Variants in MAK observed in about 807,000 individuals in gnomAD.
MAK encodes serine/threonine-protein kinase MAK.
MAK carries 65 observed loss-of-function variants against 82.6 expected under a neutral mutation model. The ratio of observed to expected loss-of-function variants is 0.79; its 90% confidence interval spans 0.64 to 0.97. The LOEUF (loss-of-function observed/expected upper bound fraction) is 0.97. Among genes scored for constraint, MAK ranks in the 50% least tolerant of loss-of-function variants. The probability of loss-of-function intolerance (pLI) is 0.00; values close to 1 mark genes in which losing one functional copy is unlikely to be tolerated. For synonymous variants in MAK, 250 were observed against 274.2 expected (o/e 0.91, Z 0.87); for missense variants, 703 against 780.2 (o/e 0.90, Z 1.18).
chr6:10,815,911 A>AGTGT lies in MAK; in HGVS notation c.278+1938_278+1939insACAC, dbSNP rs1233214233. 9.9e-3 allele frequency among the ~76,000 whole-genome samples: 767 copies of AGTGT among 77,644 alleles called. 7 individuals carry two copies. The highest frequency in any genetic ancestry group is 0.015 in the East Asian group (49 of 3,240). 50.9% of individuals were successfully genotyped at this position (77,644 alleles called of 152,430 possible). A position where few individuals can be genotyped will look rare whatever the true frequency, so the allele number is the denominator to read the frequency against. ...GTACTGTATTAGTGTAGCTTTATAC[A>AGTGT]GTATATATATATATATATATATATA... On this transcript the variant is annotated intron_variant, in intron 4 of 14. Coordinates refer to ENST00000354489, the MANE Select transcript of MAK (RefSeq NM_001242957.3).
At chr6:10,830,321 A>G (rs1778713769) in intron 2 of MAK, among the ~76,000 whole-genome samples, 1 of 150,622 alleles carries the variant, frequency 6.6e-6, no homozygotes, top group African/African-American at 2.5e-5. Flanking sequence ...GCGTGCCACC[A>G]TGCCTGGCTA....
At chr6:10,785,726 T>G (rs1774481031) in intron 10 of MAK, among the ~76,000 whole-genome samples, 1 of 152,242 alleles carries the variant, frequency 6.6e-6, no homozygotes, top group Non-Finnish European at 1.5e-5. Flanking sequence ...CAGAGGGATC[T>G]CTGCCCATAG....
chr6:10,771,768 T>C (rs1330859120), intron 13 of MAK, among the ~76,000 whole-genome samples: 9 of 152,240 alleles, frequency 5.9e-5, no homozygotes, highest in African/African-American at 2.2e-4. Context: ...AGTCTATACA[T>C]GTTTAACCCT....
intron 1 of MAK, among the ~76,000 whole-genome samples, chr6:10,833,863 AAT>A (rs1326860068): frequency 2.0e-5 from 3 of 152,170 alleles, no homozygotes; most frequent in Non-Finnish European, 4.4e-5. Context: ...CCTGAAAAAG[AAT>A]AGTTTTGTAA....
At chr6:10,829,689 T>G (rs1206597736) in intron 2 of MAK, among the ~76,000 whole-genome samples, 1 of 152,200 alleles carries the variant, frequency 6.6e-6, no homozygotes, top group African/African-American at 2.4e-5. Flanking sequence ...TTTTTTGGTT[T>G]ATCAGTGTAG....
At chr6:10,822,853 T>C (rs137952175) in intron 2 of MAK, among the ~76,000 whole-genome samples, 287 of 152,312 alleles carry the variant, frequency 1.9e-3, no homozygotes, top group Non-Finnish European at 3.3e-3. Context: ...CTTAATTAAG[T>C]GAGGGAATCT....
At chr6:10,803,009 AAAC>A (rs1181050720) in intron 7 of MAK, among the ~76,000 whole-genome samples, 1 of 152,224 alleles carries the variant, frequency 6.6e-6, no homozygotes, top group African/African-American at 2.4e-5. Flanking sequence ...GGTTAAGAAA[AAAC>A]AAGGTTCAAG....
chr6:10,836,446 C>T (rs1463881975), intron 1 of MAK, among the ~76,000 whole-genome samples: 2 of 152,168 alleles, frequency 1.3e-5, no homozygotes, highest in Non-Finnish European at 2.9e-5. Flanking sequence ...GAGACATAGA[C>T]ATCAAGGTAA....
intron 11 of MAK, 121 bp downstream of exon 11, chr6:10,784,303 A>C: frequency 1.0e-6 from 1 of 963,374 alleles, no homozygotes; most frequent in Non-Finnish European, 1.6e-6. Context: ...CTGAGCTACC[A>C]AAGAGCTCTG....
At chr6:10,825,135 C>T (rs936799030) in intron 2 of MAK, among the ~76,000 whole-genome samples, 1 of 152,174 alleles carries the variant, frequency 6.6e-6, no homozygotes, top group Non-Finnish European at 1.5e-5. Flanking sequence ...CTCTTCCCTC[C>T]TTGAACATGG....
At chr6:10,775,653 G>T (rs1396003098) in intron 11 of MAK, among the ~76,000 whole-genome samples, 194 bp from the exon 12 acceptor site, 3 of 152,136 alleles carry the variant, frequency 2.0e-5, no homozygotes, top group African/African-American at 4.8e-5. Context: ...CAACCACCTG[G>T]AATGTTGACA....
chr6:10,805,619 G>T (rs1289108719), intron 6 of MAK, among the ~76,000 whole-genome samples: 1 of 151,294 alleles, frequency 6.6e-6, no homozygotes, highest in South Asian at 2.1e-4. Flanking sequence ...GACCAGAAAC[G>T]TGCCATAAAA....
At chr6:10,795,904 A>C (rs956986065) in intron 9 of MAK, 94 bp downstream of exon 9, 2 of 1,373,122 alleles carry the variant, frequency 1.5e-6, no homozygotes, top group Non-Finnish European at 2.1e-6. Context: ...AAAATCTTTT[A>C]TATCTTTTCC....
chr6:10,802,102 A>C lies in MAK; in HGVS notation c.664-43T>G, dbSNP rs754702174. 28 of 1,549,848 alleles carry C rather than the reference A, an allele frequency of 1.8e-5. No homozygotes were observed. In the Admixed American group the frequency reaches 3.3e-4, roughly 18 times the overall value. On this transcript the variant is annotated intron_variant, in intron 7 of 14. Coordinates refer to ENST00000354489, the MANE Select transcript of MAK (RefSeq NM_001242957.3). ...AAGTGCAGGTGGGGAGGGCAAAACA[A>C]ATTGTTTTTAGTAATCCATTTAAAA...
At chr6:10,766,273 A>G (rs1027204967) in intron 14 of MAK, among the ~76,000 whole-genome samples, 1 of 152,228 alleles carries the variant, frequency 6.6e-6, no homozygotes, top group Non-Finnish European at 1.5e-5. Flanking sequence ...TTTTCACTGT[A>G]TAACTGGGAG....
chr6:10,800,488 C>T lies in MAK; in HGVS notation c.831+1404G>A, dbSNP rs1418561774. Among the ~76,000 whole-genome samples, 1 of 151,442 alleles carries T rather than the reference C, an allele frequency of 6.6e-6. No individual in the cohort carries two copies. The highest frequency in any genetic ancestry group is 1.5e-5 in the Non-Finnish European group (1 of 67,922). ...TTTTTTCACCTTGAGATCAAATACA[C>T]ATGTATGCTTTCCTTTTGTTTCTAA... is the stretch of plus-strand genomic sequence containing the variant. On this transcript the variant is annotated intron_variant, in intron 8 of 14. Transcript: ENST00000354489. The surrounding 1 kb of genome is among the most constrained non-coding windows in gnomAD (Gnocchi z 4.2).
At position 10,825,424 on chromosome 6, in the gene MAK, C is replaced by T. The variant is rs1459866188; in HGVS notation, c.101+5124G>A. On this transcript the variant is annotated intron_variant, in intron 2 of 14. Coordinates refer to ENST00000354489, the MANE Select transcript of MAK (RefSeq NM_001242957.3). ...GGCTCCTCAGACTTTTTTGTAAGAT[C>T]CTATTCCAGGGCCCATCCTTTATAT... 3.3e-5 allele frequency among the ~76,000 whole-genome samples: 5 copies of T among 151,776 alleles called. No individual in the cohort carries two copies. The East Asian group carries it at 7.8e-4, about 24-fold the overall frequency.
In MAK at chr6:10,776,887, C is replaced by T. The variant is rs1773501672; in HGVS notation, c.1466-1428G>A. ...GGATCACGAGGTCAGGAGTTTGAGA[C>T]CAGCTTGGCCAACATAGTGAAACCC... On this transcript the variant is annotated intron_variant, in intron 11 of 14. Coordinates refer to ENST00000354489, the MANE Select transcript of MAK (RefSeq NM_001242957.3). The surrounding 1 kb of genome is among the most constrained non-coding windows in gnomAD (Gnocchi z 4.3). 6.7e-6 allele frequency among the ~76,000 whole-genome samples: 1 copy of T among 149,890 alleles called. No homozygotes were observed. The highest frequency in any genetic ancestry group is 2.5e-5 in the African/African-American group (1 of 40,580).
chr6:10,775,429 G>C lies in MAK; in HGVS notation c.1496C>G (p.Ala499Gly), dbSNP rs1302256359. 2 of 1,613,638 alleles carry C rather than the reference G, an allele frequency of 1.2e-6. No individual in the cohort carries two copies. The highest frequency in any genetic ancestry group is 1.7e-6 in the Non-Finnish European group (2 of 1,179,706). ...GTGGGGGTTTATTTCCTTTCCACTG[G>C]CTATCAAGGACACCTTCTTGGGATT... ...GVNPKKVSLI[A>G]SGKEINPHTW... The change falls in exon 12 of 15, where the codon GCC becomes GGC. Residue 499 changes from alanine (A) to glycine (G), a missense_variant. Coordinates refer to ENST00000354489, the MANE Select transcript of MAK (RefSeq NM_001242957.3).
Sources: gnomAD v4.1 joint callset for allele counts (sites outside exome capture counted in the v4.1 genomes callset) on GRCh38, gnomAD v4.1.1 for gene constraint, Gnocchi (gnomAD v3.1) non-coding constraint, MANE v1.5 for transcripts, NCBI Gene and HGNC (gene_info 2026-07-23, HGNC 2026-07-21) for gene names.